Variants in PTPRN2 observed in about 807,000 individuals in gnomAD.
PTPRN2 encodes protein tyrosine phosphatase receptor type N2, also known as receptor-type tyrosine-protein phosphatase N2.
PTPRN2 carries 74 observed loss-of-function variants against 118.8 expected under a neutral mutation model. The observed-to-expected ratio is 0.62, with a 90% CI of 0.52 to 0.76. The LOEUF is 0.76. PTPRN2 is among the 30% of genes least tolerant of loss of function. The probability of loss-of-function intolerance (pLI) is 0.00; values close to 1 mark genes in which losing one functional copy is unlikely to be tolerated. For synonymous variants in PTPRN2, 641 were observed against 608.0 expected (o/e 1.05, Z -0.80); for missense variants, 1,481 against 1,394.4 (o/e 1.06, Z -0.99).
rs1036167991 is a variant in PTPRN2, at chr7:158,210,878, C to G, written c.278-5605G>C. 4.6e-5 allele frequency among the ~76,000 whole-genome samples: 7 copies of G among 152,094 alleles called. No homozygotes were observed. The South Asian group carries it at 8.3e-4, about 18-fold the overall frequency. ...TTGATCACTTCACTGCTGAATTTTACCAAATATTTAAAGAAGAATCTTGCT... is the reference window on the plus strand; with the variant it reads ...TTGATCACTTCACTGCTGAATTTTAGCAAATATTTAAAGAAGAATCTTGCT... On this transcript the variant is annotated intron_variant, in intron 3 of 22. Transcript: ENST00000389418.
chr7:158,396,116 G>A (rs938968476), intron 2 of PTPRN2, among the ~76,000 whole-genome samples: 1 of 152,200 alleles, frequency 6.6e-6, no homozygotes, highest in Non-Finnish European at 1.5e-5. Context: ...GGCAGCGAAG[G>A]CCGGGACACG....
chr7:158,425,574 C>T (rs1815669505), intron 2 of PTPRN2, among the ~76,000 whole-genome samples: 1 of 128,740 alleles, frequency 7.8e-6, no homozygotes, highest in East Asian at 2.4e-4. Context: ...GGGTCCGAGA[C>T]CAGCCTAGCT....
chr7:158,428,868 A>C (rs1156937314), intron 2 of PTPRN2, among the ~76,000 whole-genome samples: 1 of 152,230 alleles, frequency 6.6e-6, no homozygotes, highest in Non-Finnish European at 1.5e-5. Context: ...TGGAAATTAT[A>C]AAAGCAGCTA....
chr7:158,336,433 G>C (rs1276114759), intron 2 of PTPRN2, among the ~76,000 whole-genome samples: 7 of 101,390 alleles, frequency 6.9e-5, no homozygotes, highest in African/African-American at 2.5e-4. Context: ...ACCTGCAGAC[G>C]TCACTCACAC....
intron 5 of PTPRN2, among the ~76,000 whole-genome samples, chr7:158,178,708 C>T (rs751979642): frequency 4.6e-5 from 7 of 150,764 alleles, no homozygotes; most frequent in Non-Finnish European, 1.0e-4. Flanking sequence ...AGTGATTCTC[C>T]TCCTTCAGCC....
chr7:158,475,621 T>C (rs544749538), intron 2 of PTPRN2, among the ~76,000 whole-genome samples: 1 of 152,132 alleles, frequency 6.6e-6, no homozygotes, highest in African/African-American at 2.4e-5. Context: ...TTCTCGGGGT[T>C]TTTAGGACAT....
chr7:158,239,028 G>A (rs1442208240), intron 3 of PTPRN2, among the ~76,000 whole-genome samples: 1 of 152,204 alleles, frequency 6.6e-6, no homozygotes. Flanking sequence ...GTGGAGGGGA[G>A]CGGAAAGCCA....
At chr7:158,070,308 C>A (rs28712645) in intron 11 of PTPRN2, among the ~76,000 whole-genome samples, 9 of 136,066 alleles carry the variant, frequency 6.6e-5, no homozygotes, top group South Asian at 2.3e-4. Flanking sequence ...GGAGGTGCTC[C>A]TGGTGGTGGA....
chr7:157,655,223 C>T (rs1440751852), intron 14 of PTPRN2, among the ~76,000 whole-genome samples: 1 of 152,168 alleles, frequency 6.6e-6, no homozygotes, highest in Admixed American at 6.5e-5. Flanking sequence ...TGTTGCTTCT[C>T]CTCATTTTAA....
At chr7:158,199,467 G>A (rs1270751299) in intron 4 of PTPRN2, among the ~76,000 whole-genome samples, 1 of 152,236 alleles carries the variant, frequency 6.6e-6, no homozygotes, top group Admixed American at 6.5e-5. Context: ...ACTCTGGTAA[G>A]CCCAAAAACA....
chr7:157,917,083 C>T (rs986461615), intron 11 of PTPRN2, among the ~76,000 whole-genome samples: 5 of 150,380 alleles, frequency 3.3e-5, no homozygotes, highest in Middle Eastern at 3.6e-3. Flanking sequence ...CCATGCACCC[C>T]GGCCACTCCA....
Position 157,840,421 on chromosome 7 carries a change from TGTGTGACTGTGTGACCGC to T in PTPRN2, c.1788+58234_1788+58251del, listed in dbSNP as rs1430651927. 2.5e-4 allele frequency among the ~76,000 whole-genome samples: 32 copies of T among 127,750 alleles called. No homozygotes were observed. The East Asian group carries it at 3.3e-3, about 13-fold the overall frequency. The allele number at this position is 127,750 out of a possible 152,430, so 83.8% of individuals were successfully genotyped here. The stretch of plus-strand genomic sequence containing the variant: ...GTGACCGTGTGTGACTGTGTGACTG[TGTGTGACTGTGTGACCGC>T]GTGTGACTGTGTGACCGCGTGTGAC... On this transcript the variant is annotated intron_variant, in intron 12 of 22. Transcript: ENST00000389418.
At chr7:157,941,089 C>CACCA (rs1563258787) in intron 11 of PTPRN2, among the ~76,000 whole-genome samples, 13 of 68,694 alleles carry the variant, frequency 1.9e-4, no homozygotes, top group Non-Finnish European at 2.4e-4. Context: ...ACACCCTCCC[C>CACCA]CGTGACACTG....
At position 158,239,797 on chromosome 7, in the gene PTPRN2, A is replaced by C. The variant is rs113934453; in HGVS notation, c.278-34524T>G. Among the ~76,000 whole-genome samples the C allele has an allele frequency of 2.6e-3, 392 of 152,362 alleles. 3 individuals are homozygous for C. Among genetic ancestry groups the C allele is most frequent in the African/African-American group, 9.0e-3 (376 of 41,574 alleles). On this transcript the variant is annotated intron_variant, in intron 3 of 22. Coordinates refer to ENST00000389418, the MANE Select transcript of PTPRN2 (RefSeq NM_002847.5). ...CAGTCATTTCCTGGTGAAATGAAAG[A>C]AAGCCACGCTTCCTCCACGCCCATT... is the stretch of plus-strand genomic sequence containing the variant.
chr7:157,604,092 C>T lies in PTPRN2; in HGVS notation c.2345-17G>A. On this transcript the variant is annotated splice_polypyrimidine_tract_variant and intron_variant, in intron 15 of 22. Transcript: ENST00000389418. The stretch of plus-strand genomic sequence containing the variant: ...AGTGGTCATCTGCAAGGACACAGTG[C>T]AGGGGTCAGAGGAACATTGGCCCAC... The T allele has an allele frequency of 6.2e-7, 1 of 1,612,912 alleles. No individual in the cohort carries two copies. The highest frequency in any genetic ancestry group is 1.1e-5 in the South Asian group (1 of 91,048).
chr7:158,247,374 C>T (rs142765114), intron 3 of PTPRN2, among the ~76,000 whole-genome samples: 4 of 152,300 alleles, frequency 2.6e-5, no homozygotes, highest in African/African-American at 7.2e-5. Context: ...CGCTCTTGAC[C>T]GTGTCTGCGT....
chr7:158,215,801 G>A (rs1827912629), intron 3 of PTPRN2, among the ~76,000 whole-genome samples: 2 of 152,104 alleles, frequency 1.3e-5, no homozygotes, highest in African/African-American at 4.8e-5. Context: ...TCAGGAATCA[G>A]GGGGAAATAA....
At chr7:158,094,487 A>T (rs190702305) in intron 10 of PTPRN2, among the ~76,000 whole-genome samples, 4,034 of 151,434 alleles carry the variant, frequency 0.027, 181 homozygotes, top group African/African-American at 0.09. Flanking sequence ...TTTTTTTTTT[A>T]AAATAGAGAT....
intron 3 of PTPRN2, among the ~76,000 whole-genome samples, chr7:158,211,117 C>T (rs1239543839): frequency 5.3e-5 from 8 of 152,122 alleles, no homozygotes; most frequent in Non-Finnish European, 7.4e-5. Flanking sequence ...GACTGGATAA[C>T]CACATGCAGA....
Sources: gnomAD v4.1 joint callset for allele counts (sites outside exome capture counted in the v4.1 genomes callset) on GRCh38, gnomAD v4.1.1 for gene constraint, MANE v1.5 for transcripts, NCBI Gene and HGNC (gene_info 2026-07-23, HGNC 2026-07-21) for gene names.